Variants in GUCY2C observed in about 807,000 individuals in gnomAD.
The protein encoded by GUCY2C is guanylyl cyclase C.
In GUCY2C, 118 loss-of-function variants were observed where a neutral mutation model predicts 131.1. The observed-to-expected ratio is 0.90, with a 90% confidence interval of 0.78 to 1.05. The LOEUF (loss-of-function observed/expected upper bound fraction) is 1.05. Ranked by LOEUF, GUCY2C falls within the 50% of genes least tolerant of loss-of-function variation. GUCY2C has a pLI of 0.00. For synonymous variants in GUCY2C, 452 were observed against 457.8 expected, an observed-to-expected ratio of 0.99 and a Z score of 0.16; for missense variants, 1,161 against 1,304.4, an observed-to-expected ratio of 0.89 and a Z score of 1.69.
At chr12:14,650,868 G>T (rs1947641158) in intron 15 of GUCY2C, among the ~76,000 whole-genome samples, 1 of 151,988 alleles carries the variant, frequency 6.6e-6, no homozygotes, top group South Asian at 2.1e-4. Context: ...TTTTTTTCTT[G>T]GAGGGTAGAT....
chr12:14,648,600 C>T (rs889233363), intron 15 of GUCY2C, among the ~76,000 whole-genome samples: 8 of 152,020 alleles, frequency 5.3e-5, no homozygotes. Context: ...TTTTTTTTCC[C>T]CTTAAAATCC....
chr12:14,636,006 T>C (rs1290246521), intron 19 of GUCY2C, among the ~76,000 whole-genome samples: 1 of 152,194 alleles, frequency 6.6e-6, no homozygotes, highest in Non-Finnish European at 1.5e-5. Context: ...TGGATGACTT[T>C]ACTGCTGAAT....
chr12:14,630,864 A>C (rs746690), intron 19 of GUCY2C, among the ~76,000 whole-genome samples: 36,726 of 152,144 alleles, frequency 0.24, 5,356 homozygotes, highest in Admixed American at 0.33. Context: ...ATTAAAGATG[A>C]TGCTGTTTTA....
chr12:14,657,442 T>C (rs767531360), intron 11 of GUCY2C, among the ~76,000 whole-genome samples: 2 of 152,056 alleles, frequency 1.3e-5, no homozygotes, highest in Non-Finnish European at 2.9e-5. Context: ...ATGTTAAAAA[T>C]GTATAGTTTC....
chr12:14,622,212 G>A lies in GUCY2C; in HGVS notation c.2409-15C>T, dbSNP rs781349474. 9 of 1,462,934 alleles carry A rather than the reference G, an allele frequency of 6.2e-6. No homozygotes were observed. The Admixed American group carries it at 8.4e-5, about 14-fold the overall frequency. The allele number at this position is 1,462,934 out of a possible 1,614,324, so 90.6% of individuals were successfully genotyped here. Reference sequence around the variant, plus strand: ...TTACCACTAGCCTAGATGAACGAAGGGAAAAAAAATGCCTTCAACTTCAGC... The same window carrying A: ...TTACCACTAGCCTAGATGAACGAAGAGAAAAAAAATGCCTTCAACTTCAGC... On this transcript the variant is annotated splice_polypyrimidine_tract_variant and intron_variant, in intron 21 of 26. Transcript: ENST00000261170.
Position 14,632,539 on chromosome 12 carries a change from G to T in GUCY2C, c.2158-3802C>A, listed in dbSNP as rs181438181. Among the ~76,000 whole-genome samples the T allele has an allele frequency of 6.0e-4, 92 of 152,298 alleles. 2 individuals carry two copies. Among genetic ancestry groups the T allele is most frequent in the African/African-American group, 2.2e-3 (91 of 41,570 alleles). On this transcript the variant is annotated intron_variant, in intron 19 of 26. Transcript: ENST00000261170. ...TTTGCTCCATTTCCTTCAGAGGAAG[G>T]ATAAAATGAGTGGAAGTACATTTCT...
At chr12:14,655,656 T>C (rs927946336) in intron 12 of GUCY2C, among the ~76,000 whole-genome samples, 3 of 152,234 alleles carry the variant, frequency 2.0e-5, no homozygotes, top group Admixed American at 2.0e-4. Flanking sequence ...AATTCCCATC[T>C]GTGGAGGTCT....
intron 10 of GUCY2C, 26 bp downstream of exon 10, chr12:14,669,696 G>T: frequency 9.0e-7 from 1 of 1,114,286 alleles, no homozygotes; most frequent in African/African-American, 1.6e-5. Flanking sequence ...GTGTCAGGGA[G>T]AGAAAATTCA....
intron 24 of GUCY2C, among the ~76,000 whole-genome samples, chr12:14,617,502 C>G (rs1280255603): frequency 2.0e-5 from 3 of 152,058 alleles, no homozygotes; most frequent in Non-Finnish European, 4.4e-5. Context: ...TGGAAAAGTT[C>G]CAATAAATAG....
In GUCY2C at chr12:14,616,747, A is replaced by G. The variant is rs1439728970; in HGVS notation, c.2876-20T>C. ...TCAAAGCTGGAAATGCAAATTGACAAATAAAAATCCCAGCTAGTACACAGC... is the reference window on the plus strand; with the variant it reads ...TCAAAGCTGGAAATGCAAATTGACAGATAAAAATCCCAGCTAGTACACAGC... On this transcript the variant is annotated intron_variant, in intron 24 of 26. Coordinates refer to ENST00000261170, the MANE Select transcript of GUCY2C (RefSeq NM_004963.4). 1 of 1,444,582 alleles carries G rather than the reference A, an allele frequency of 6.9e-7. No homozygotes were observed. The highest frequency in any genetic ancestry group is 9.8e-7 in the Non-Finnish European group (1 of 1,025,632). The allele number at this position is 1,444,582 out of a possible 1,614,324, so 89.5% of individuals were successfully genotyped here.
intron 15 of GUCY2C, among the ~76,000 whole-genome samples, chr12:14,648,689 A>G (rs1250682853): frequency 1.3e-5 from 2 of 152,188 alleles, no homozygotes; most frequent in African/African-American, 4.8e-5. Context: ...TCTTTTCCGA[A>G]TAAATATCTT....
At chr12:14,651,299 C>A (rs1284342075) in intron 15 of GUCY2C, 108 bp downstream of exon 15, 4 of 614,390 alleles carry the variant, frequency 6.5e-6, no homozygotes, top group Admixed American at 3.1e-5. Flanking sequence ...GTGACCCCAC[C>A]AACTTTCCCT....
chr12:14,618,259 C>T (rs887974327), intron 24 of GUCY2C, among the ~76,000 whole-genome samples: 3 of 152,174 alleles, frequency 2.0e-5, no homozygotes, highest in African/African-American at 7.2e-5. Context: ...AATTCCAACA[C>T]TTTGGGGCTT....
In GUCY2C at chr12:14,640,180, A is replaced by G. The variant is rs2111178; in HGVS notation, c.2069-230T>C. Among the ~76,000 whole-genome samples, 149,765 of 152,228 alleles carry G rather than the reference A, an allele frequency of 0.98. 73,712 individuals are homozygous for G. The highest frequency in any genetic ancestry group is 1 in the Middle Eastern group (292 of 292). On this transcript the variant is annotated intron_variant, in intron 18 of 26. Transcript: ENST00000261170. ...AAGGTTACCTTAAGGATAGGCTACC[A>G]GGTGGGGCACAGTGCCTCAAAGCTG... is the stretch of plus-strand genomic sequence containing the variant.
intron 12 of GUCY2C, among the ~76,000 whole-genome samples, chr12:14,653,325 G>T (rs1301524621): frequency 6.6e-6 from 1 of 152,098 alleles, no homozygotes; most frequent in African/African-American, 2.4e-5. Context: ...GGGAATTATT[G>T]CCTGTAGCTA....
chr12:14,654,381 C>T lies in GUCY2C; in HGVS notation c.1471-1367G>A, dbSNP rs117352191. Among the ~76,000 whole-genome samples the T allele has an allele frequency of 2.2e-4, 33 of 152,240 alleles. 1 individual carries two copies. In the East Asian group the frequency reaches 6.2e-3, roughly 29 times the overall value. On this transcript the variant is annotated intron_variant, in intron 12 of 26. Transcript: ENST00000261170. ...GACCTTGGGTTTTCTCCATGTCTAC[C>T]TGACTCTTAGCACCTGATGAGCTCT...
chr12:14,683,119 G>A lies in GUCY2C; in HGVS notation c.534C>T (p.Asn178=), dbSNP rs762059100. Residue 178 remains asparagine, a synonymous_variant, in exon 4 of 27, where the codon AAC becomes AAT. Coordinates refer to ENST00000261170, the MANE Select transcript of GUCY2C (RefSeq NM_004963.4). The part of the protein sequence containing the change: ...MYFLVNFWKT[N]DLPFKTYSWS... ...AGGAATAAGTTTTGAAGGGCAGATC[G>A]TTGGTTTTCCAAAAGTTAACCAAGA... The A allele has an allele frequency of 1.5e-5, 24 of 1,613,364 alleles. No homozygotes were observed. The Admixed American group carries it at 2.0e-4, about 13-fold the overall frequency.
intron 7 of GUCY2C, 109 bp from the exon 8 acceptor site, chr12:14,674,869 A>C (rs1948194850): frequency 1.2e-6 from 1 of 801,152 alleles, no homozygotes; most frequent in Non-Finnish European, 2.0e-6. Context: ...AGTTAAAGGG[A>C]TATCAGGGGA....
intron 6 of GUCY2C, among the ~76,000 whole-genome samples, chr12:14,678,867 C>T (rs990591525): frequency 3.3e-5 from 5 of 152,036 alleles, no homozygotes; most frequent in Non-Finnish European, 5.9e-5. Flanking sequence ...AGTGGGGTCT[C>T]CAACCATTTC....
Sources: gnomAD v4.1 joint callset for allele counts (sites outside exome capture counted in the v4.1 genomes callset) on GRCh38, gnomAD v4.1.1 for gene constraint, MANE v1.5 for transcripts, NCBI Gene and HGNC (gene_info 2026-07-23, HGNC 2026-07-21) for gene names.